Variants in PTGER4 observed in about 807,000 individuals in gnomAD.
PTGER4 encodes prostaglandin E2 receptor EP4 subtype.
A neutral mutation model predicts 33.2 loss-of-function variants in PTGER4; 11 were observed. The observed-to-expected ratio is 0.33, with a 90% CI of 0.21 to 0.55. The LOEUF is 0.55. Among genes scored for constraint, PTGER4 ranks in the 20% least tolerant of loss-of-function variants. The pLI, the probability that PTGER4 is intolerant of heterozygous loss-of-function variation, is 0.92. For synonymous variants in PTGER4, 275 were observed against 281.5 expected, an observed-to-expected ratio of 0.98 and a Z score of 0.23; for missense variants, 481 against 650.2, an observed-to-expected ratio of 0.74 and a Z score of 2.83.
the PTGER4 span, among the ~76,000 whole-genome samples, chr5:40,742,754 AG>A: frequency 6.6e-6 from 1 of 152,218 alleles, no homozygotes; most frequent in South Asian, 2.1e-4. Flanking sequence ...TTCATTCGGG[AG>A]GAGGGTGAGA....
At chr5:40,728,020 G>A in the PTGER4 span, among the ~76,000 whole-genome samples, 5 of 151,910 alleles carry the variant, frequency 3.3e-5, no homozygotes, top group Admixed American at 3.3e-4. Context: ...GTTGGCTCAC[G>A]CCTGTAATCC....
At chr5:40,721,287 T>G in the PTGER4 span, among the ~76,000 whole-genome samples, 2 of 152,300 alleles carry the variant, frequency 1.3e-5, no homozygotes, top group Non-Finnish European at 2.9e-5. Context: ...GGGCACAAAG[T>G]AAATGGACAA....
At chr5:40,716,288 C>T in the PTGER4 span, 1 of 1,614,226 alleles carries the variant, frequency 6.2e-7, no homozygotes, top group African/African-American at 1.3e-5. Context: ...GCAATAGCTG[C>T]ACAAACAGCA....
At chr5:40,728,484 CA>C in the PTGER4 span, 4 of 1,577,438 alleles carry the variant, frequency 2.5e-6, no homozygotes, top group Admixed American at 2.0e-5. Context: ...CACCTATAGG[CA>C]AAAAAAGACC....
the PTGER4 span, among the ~76,000 whole-genome samples, chr5:40,704,284 TC>T: frequency 6.6e-6 from 1 of 152,040 alleles, no homozygotes; most frequent in Non-Finnish European, 1.5e-5. Flanking sequence ...AAATTCAACA[TC>T]CCTTCATGTT....
the PTGER4 span, chr5:40,715,865 T>TTG: frequency 3.3e-6 from 1 of 307,412 alleles, no homozygotes; most frequent in South Asian, 1.3e-4. Flanking sequence ...AAGTTTTGTC[T>TTG]TTAAAATGTA....
chr5:40,718,739 A>G, the PTGER4 span, among the ~76,000 whole-genome samples: 3 of 145,836 alleles, frequency 2.1e-5, no homozygotes, highest in East Asian at 2.0e-4. Context: ...TTCCGTCTCG[A>G]AAAAAAAAAA....
At chr5:40,706,120 T>C in the PTGER4 span, among the ~76,000 whole-genome samples, 5 of 152,210 alleles carry the variant, frequency 3.3e-5, no homozygotes, top group African/African-American at 1.2e-4. Flanking sequence ...ATATGGTACA[T>C]ATACATCATG....
chr5:40,712,448 A>G, the PTGER4 span, among the ~76,000 whole-genome samples: 1 of 152,164 alleles, frequency 6.6e-6, no homozygotes, highest in Non-Finnish European at 1.5e-5. Context: ...TGGAGATTCA[A>G]TATTTTAAGT....
At chr5:40,717,553 A>G in the PTGER4 span, among the ~76,000 whole-genome samples, 1 of 152,210 alleles carries the variant, frequency 6.6e-6, no homozygotes, top group Non-Finnish European at 1.5e-5. Flanking sequence ...AATGTAGAAT[A>G]TTCAGCAACA....
At chr5:40,721,209 G>T in the PTGER4 span, among the ~76,000 whole-genome samples, 2 of 152,192 alleles carry the variant, frequency 1.3e-5, no homozygotes, top group Non-Finnish European at 2.9e-5. Flanking sequence ...AAATCCAGCT[G>T]CCTGGGGGCT....
chr5:40,701,591 A>T, the PTGER4 span, among the ~76,000 whole-genome samples: 3 of 152,210 alleles, frequency 2.0e-5, no homozygotes, highest in Non-Finnish European at 2.9e-5. Flanking sequence ...GAGAAAGCAA[A>T]CAAATTAGAA....
At chr5:40,712,824 C>T in the PTGER4 span, among the ~76,000 whole-genome samples, 15 of 152,112 alleles carry the variant, frequency 9.9e-5, no homozygotes, top group Non-Finnish European at 1.6e-4. Flanking sequence ...CCTTACCCGC[C>T]GCTGCCTTCT....
the PTGER4 span, among the ~76,000 whole-genome samples, chr5:40,734,764 G>A: frequency 6.6e-6 from 1 of 152,176 alleles, no homozygotes; most frequent in South Asian, 2.1e-4. Context: ...TAAGGATGCA[G>A]CACCCAACAA....
chr5:40,720,389 C>G, the PTGER4 span, among the ~76,000 whole-genome samples: 1 of 152,114 alleles, frequency 6.6e-6, no homozygotes, highest in Non-Finnish European at 1.5e-5. Flanking sequence ...CAGTTCTATC[C>G]CACTGATCTA....
the PTGER4 span, among the ~76,000 whole-genome samples, chr5:40,740,651 G>A: frequency 2.6e-5 from 4 of 152,242 alleles, no homozygotes; most frequent in Non-Finnish European, 5.9e-5. Flanking sequence ...CTGACTTGAC[G>A]ACTATCCAAG....
At chr5:40,694,779 T>G (rs547811158), downstream of PTGER4, among the ~76,000 whole-genome samples, 11 of 152,370 alleles carry the variant, frequency 7.2e-5, no homozygotes, top group African/African-American at 2.4e-4. Context: ...TCCTTTTCAT[T>G]GTTGAGCCTG....
chr5:40,739,758 G>A, the PTGER4 span, among the ~76,000 whole-genome samples: 36 of 152,108 alleles, frequency 2.4e-4, no homozygotes, highest in Non-Finnish European at 4.1e-4. Context: ...TCCAGTCTCA[G>A]GTAGTTGTTT....
chr5:40,743,630 G>A, the PTGER4 span, among the ~76,000 whole-genome samples: 2 of 151,972 alleles, frequency 1.3e-5, no homozygotes, highest in Non-Finnish European at 2.9e-5. Flanking sequence ...AAAATTAGCT[G>A]GGCATGGTGG....
Sources: allele counts gnomAD v4.1 joint callset (sites outside exome capture counted in the v4.1 genomes callset), GRCh38; gene constraint gnomAD v4.1.1; transcripts MANE v1.5; gene names NCBI Gene and HGNC (gene_info 2026-07-23, HGNC 2026-07-21).